WWOX: variants seen among roughly 807,000 people sequenced by gnomAD.
WWOX encodes WW domain-containing oxidoreductase.
In WWOX, 69 loss-of-function variants were observed where a neutral mutation model predicts 46.2. That is an observed-to-expected ratio of 1.49 (90% CI 1.23 to 1.82). WWOX has a LOEUF of 1.82. Among genes scored for constraint, WWOX ranks in the 40% most tolerant of loss-of-function variants. The probability of loss-of-function intolerance (pLI) is 0.00; values close to 1 mark genes in which losing one functional copy is unlikely to be tolerated. For missense variants in WWOX, 919 were observed against 542.6 expected, an observed-to-expected ratio of 1.69 and a Z score of -6.89; for synonymous variants, 359 against 202.6, an observed-to-expected ratio of 1.77 and a Z score of -6.56.
chr16:79,083,421 G>A (rs972534339), intron 8 of WWOX, among the ~76,000 whole-genome samples: 3 of 152,060 alleles, frequency 2.0e-5, no homozygotes, highest in Admixed American at 6.5e-5. Context: ...CTTCCCTGTT[G>A]GCCATTACTA....
rs183703046 is a variant in WWOX at position 78,961,229 on chromosome 16, G to A, written c.1057-250379G>A. 2.0e-4 allele frequency among the ~76,000 whole-genome samples: 31 copies of A among 152,284 alleles called. No homozygotes were observed. In the East Asian group the frequency reaches 5.4e-3, roughly 27 times the overall value. ...AGTTAAAAGGTCTATGCAGATTAAC[G>A]AGGAAAAATGAGGGAAATTACTGTA... On this transcript the variant is annotated intron_variant, in intron 8 of 8. Coordinates refer to ENST00000566780, the MANE Select transcript of WWOX (RefSeq NM_016373.4).
chr16:78,830,531 T>G (rs904203822), intron 8 of WWOX, among the ~76,000 whole-genome samples: 2 of 152,002 alleles, frequency 1.3e-5, no homozygotes, highest in African/African-American at 4.8e-5. Context: ...CAGGGAAGCC[T>G]CCTTCCTCCC....
In WWOX at chr16:78,854,974, G is replaced by C. The variant is rs184692055; in HGVS notation, c.1057-356634G>C. On this transcript the variant is annotated intron_variant, in intron 8 of 8. Transcript: ENST00000566780. ...GTTTTATTTTCTTAGTGAAGTAATGGCTTCTCAAATTTACACTCCATTATT... is the reference window on the plus strand; with the variant it reads ...GTTTTATTTTCTTAGTGAAGTAATGCCTTCTCAAATTTACACTCCATTATT... Among the ~76,000 whole-genome samples, 627 of 150,810 alleles carry C rather than the reference G, an allele frequency of 4.2e-3. 2 individuals carry two copies. Among genetic ancestry groups the C allele is most frequent in the Non-Finnish European group, 5.2e-3 (350 of 67,866 alleles).
intron 8 of WWOX, among the ~76,000 whole-genome samples, chr16:78,466,659 G>A (rs1025561588): frequency 2.0e-5 from 3 of 151,976 alleles, no homozygotes; most frequent in African/African-American, 4.8e-5. Context: ...GTGAAACCCT[G>A]TCTCTACTAT....
intron 5 of WWOX, among the ~76,000 whole-genome samples, chr16:78,369,591 C>T (rs759294602): frequency 6.6e-5 from 10 of 152,098 alleles, no homozygotes; most frequent in Non-Finnish European, 1.5e-4. Context: ...ACTGATTTCT[C>T]ATTAATGTCT....
intron 8 of WWOX, among the ~76,000 whole-genome samples, chr16:78,822,509 A>G (rs916688363): frequency 4.6e-5 from 7 of 152,082 alleles, no homozygotes; most frequent in Non-Finnish European, 5.9e-5. Flanking sequence ...AAAAACAAAA[A>G]CAAAAACAAA....
intron 8 of WWOX, among the ~76,000 whole-genome samples, chr16:78,985,403 G>A (rs1287673529): frequency 2.6e-5 from 4 of 152,052 alleles, no homozygotes; most frequent in Admixed American, 6.5e-5. Flanking sequence ...CAGGGTCCCC[G>A]TGCCATGAAT....
At chr16:79,143,995 C>T (rs1380203726) in intron 8 of WWOX, among the ~76,000 whole-genome samples, 1 of 152,168 alleles carries the variant, frequency 6.6e-6, no homozygotes, top group African/African-American at 2.4e-5. Context: ...ATCTTGAACT[C>T]CTGGGCTCCA....
chr16:78,106,487 G>T (rs933496265), intron 1 of WWOX, among the ~76,000 whole-genome samples: 3 of 138,770 alleles, frequency 2.2e-5, no homozygotes, highest in African/African-American at 7.9e-5. Context: ...CACGATCTCA[G>T]CTCACCGCAG....
intron 8 of WWOX, among the ~76,000 whole-genome samples, chr16:78,871,831 G>A (rs533313531): frequency 6.6e-6 from 1 of 152,150 alleles, no homozygotes; most frequent in Non-Finnish European, 1.5e-5. Context: ...TCAAACTCCT[G>A]GCCTCAAGTG....
At chr16:78,174,263 C>A (rs35272142) in intron 5 of WWOX, among the ~76,000 whole-genome samples, 18,833 of 152,168 alleles carry the variant, frequency 0.12, 1,468 homozygotes, top group East Asian at 0.22. Context: ...TATATGGTGT[C>A]AGCAAGAGAA....
intron 8 of WWOX, among the ~76,000 whole-genome samples, chr16:79,039,117 A>G (rs994417247): frequency 6.6e-6 from 1 of 152,174 alleles, no homozygotes; most frequent in African/African-American, 2.4e-5. Context: ...AATTAAAGAA[A>G]TGAAAGTTCT....
chr16:78,920,475 A>G (rs564482966), intron 8 of WWOX, among the ~76,000 whole-genome samples: 48 of 152,256 alleles, frequency 3.2e-4, no homozygotes, highest in African/African-American at 1.1e-3. Context: ...CTGACCCCGA[A>G]TGACTGGAGG....
intron 8 of WWOX, among the ~76,000 whole-genome samples, chr16:78,673,927 T>G (rs993643902): frequency 2.0e-5 from 3 of 152,052 alleles, no homozygotes; most frequent in African/African-American, 4.8e-5. Flanking sequence ...CCCATTTGAG[T>G]TATGAGGGTG....
At chr16:78,924,992 C>G (rs1251314156) in intron 8 of WWOX, among the ~76,000 whole-genome samples, 1 of 152,076 alleles carries the variant, frequency 6.6e-6, no homozygotes, top group Non-Finnish European at 1.5e-5. Context: ...CTCAGGCGTT[C>G]AAGACCAGCC....
chr16:78,809,445 C>G (rs1224288230), intron 8 of WWOX, among the ~76,000 whole-genome samples: 2 of 152,036 alleles, frequency 1.3e-5, no homozygotes, highest in East Asian at 1.9e-4. Context: ...GATGAAATCA[C>G]TTCTTAATTT....
chr16:78,532,656 C>T (rs746046930), intron 8 of WWOX, among the ~76,000 whole-genome samples: 54 of 152,136 alleles, frequency 3.5e-4, no homozygotes, highest in African/African-American at 1.1e-3. Context: ...GCTGGGGAGG[C>T]GACACAGTGA....
chr16:78,880,999 T>TC (rs1213634667), intron 8 of WWOX, among the ~76,000 whole-genome samples: 2 of 149,430 alleles, frequency 1.3e-5, no homozygotes, highest in South Asian at 2.1e-4. Context: ...TTTCTTTTTT[T>TC]TTTTTTTTTT....
In WWOX at chr16:78,826,786, G is replaced by A. The variant is rs150580978; in HGVS notation, c.1057-384822G>A. On this transcript the variant is annotated intron_variant, in intron 8 of 8. Coordinates refer to ENST00000566780, the MANE Select transcript of WWOX (RefSeq NM_016373.4). ...CAATAAGAGCACAGTGGTGAGGTTT[G>A]AGGGGTGGTATGAGGTCACAGTCAC... 8.5e-5 allele frequency among the ~76,000 whole-genome samples: 13 copies of A among 152,258 alleles called. No homozygotes were observed. The East Asian group carries it at 2.3e-3, about 27-fold the overall frequency.
Sources: allele counts gnomAD v4.1 joint callset (sites outside exome capture counted in the v4.1 genomes callset), GRCh38; gene constraint gnomAD v4.1.1; transcripts MANE v1.5; gene names NCBI Gene and HGNC (gene_info 2026-07-23, HGNC 2026-07-21).